The following C4orf50 variants were observed in gnomAD, a reference collection of about 807,000 sequenced individuals.
C4orf50 encodes chromosome 4 open reading frame 50.
Under a neutral mutation model 77.2 loss-of-function variants are expected in C4orf50, and 80 were observed. That is an observed-to-expected ratio of 1.04 (90% CI 0.87 to 1.25). The LOEUF (loss-of-function observed/expected upper bound fraction) is 1.25. Among genes scored for constraint, C4orf50 ranks in the 50% most tolerant of loss-of-function variants. C4orf50 has a pLI of 0.00. For synonymous variants in C4orf50, 532 were observed against 465.3 expected (o/e 1.14, Z -1.84); for missense variants, 1,257 against 1,152.9 (o/e 1.09, Z -1.31).
chr4:5,980,426 C>G (rs1018800533), intron 28 of C4orf50, 88 bp from the exon 7 acceptor site: 38 of 1,230,030 alleles, frequency 3.1e-5, no homozygotes, highest in Non-Finnish European at 3.9e-5. Context: ...TTTCCCCACT[C>G]CGTAGTTTTT....
chr4:5,904,710 A>G (rs1297570644), intron 7 of C4orf50: 1 of 152,194 alleles, frequency 6.6e-6, no homozygotes, highest in East Asian at 1.9e-4. Context: ...ATCTGATGAA[A>G]TCCATGCTCC....
intron 23 of C4orf50, among the ~76,000 whole-genome samples, chr4:6,013,634 A>G (rs1442012766): frequency 2.6e-5 from 4 of 152,094 alleles, no homozygotes; most frequent in African/African-American, 9.7e-5. Flanking sequence ...GGTCTCTAAG[A>G]CCAATCACAA....
chr4:5,936,755 A>C (rs1718042835), intron 7 of C4orf50, among the ~76,000 whole-genome samples: 1 of 152,136 alleles, frequency 6.6e-6, no homozygotes, highest in Non-Finnish European at 1.5e-5. Context: ...TGAAAGATAC[A>C]AATTCTCAGA....
In C4orf50 at chr4:5,908,099, T is replaced by G. The variant is rs956301648; in HGVS notation, c.*2475-9911A>C. Among the ~76,000 whole-genome samples, 25 of 152,238 alleles carry G rather than the reference T, an allele frequency of 1.6e-4. No homozygotes were observed. ...TTCATTCACTCATTTATTTGCTCAT[T>G]TTTAAGTACCTACTATATGCCAGGC... On this transcript the variant is annotated intron_variant, in intron 7 of 7. Transcript: ENST00000324058. The surrounding 1 kb of genome is among the most constrained non-coding windows in gnomAD (Gnocchi z 5.6).
In C4orf50 at chr4:6,007,083, T is replaced by C. The variant is rs774478295; in HGVS notation, c.963+913A>G. 2.0e-5 allele frequency among the ~76,000 whole-genome samples: 3 copies of C among 152,140 alleles called. No individual in the cohort carries two copies. The highest frequency in any genetic ancestry group is 4.8e-5 in the African/African-American group (2 of 41,428). On this transcript the variant is annotated intron_variant, in intron 25 of 33. Transcript: ENST00000531445. This position sits in a 1 kb window ranked among gnomAD's most constrained non-coding sequence, Gnocchi z 4.1. The stretch of plus-strand genomic sequence containing the variant: ...AGGAACTCATTGGATGTTGGACAGA[T>C]GGATGGACAAGAGTGAGTGGACAAT...
intron 7 of C4orf50, among the ~76,000 whole-genome samples, chr4:5,910,092 G>T (rs1010034456): frequency 6.7e-6 from 1 of 149,218 alleles, no homozygotes; most frequent in African/African-American, 2.4e-5. Context: ...GATCGCTTTG[G>T]GTAGTATGAT....
At chr4:5,950,332 G>A (rs1718662626) in intron 7 of C4orf50, among the ~76,000 whole-genome samples, 1 of 152,200 alleles carries the variant, frequency 6.6e-6, no homozygotes, top group African/African-American at 2.4e-5. Context: ...CTGTTTAAAA[G>A]ATGAATTAAA....
exon 34 of C4orf50, chr4:5,959,174 A>T: frequency 3.3e-6 from 2 of 612,464 alleles, no homozygotes; most frequent in South Asian, 4.2e-5. Context: ...GCCAAAGCCA[A>T]ACTCCTCAGA....
At chr4:5,943,690 C>G (rs557158070) in intron 7 of C4orf50, among the ~76,000 whole-genome samples, 1 of 152,328 alleles carries the variant, frequency 6.6e-6, no homozygotes, top group East Asian at 1.9e-4. Context: ...TTTTGAGTGT[C>G]TCGGCTATGA....
At chr4:5,946,951 G>T (rs1718507205) in intron 7 of C4orf50, among the ~76,000 whole-genome samples, 1 of 152,192 alleles carries the variant, frequency 6.6e-6, no homozygotes, top group African/African-American at 2.4e-5. Context: ...CAACGTGGGA[G>T]GTGATAACAC....
chr4:5,915,866 T>G (rs947722259), intron 7 of C4orf50, among the ~76,000 whole-genome samples: 9 of 152,190 alleles, frequency 5.9e-5, no homozygotes, highest in Non-Finnish European at 8.8e-5. Flanking sequence ...GTTACTTCCC[T>G]CTCCTCTTTT....
At chr4:5,930,187 C>T (rs1717705129) in intron 7 of C4orf50, among the ~76,000 whole-genome samples, 2 of 152,252 alleles carry the variant, frequency 1.3e-5, no homozygotes, top group Admixed American at 6.5e-5. Flanking sequence ...TTCCCATTGA[C>T]GTCTCTCTAG....
rs902594439 is a variant in C4orf50 at position 6,008,651 on chromosome 4, T to G, written c.427-119A>C. ...GTGCATGGTGCGTTTTTGCATTTTG[T>G]GCATTGTAATAGTGCATCAAAGTAT... is the stretch of plus-strand genomic sequence containing the variant. On this transcript the variant is annotated intron_variant, in intron 24 of 33. Transcript: ENST00000531445. The surrounding 1 kb of genome is among the most constrained non-coding windows in gnomAD (Gnocchi z 6.0). 36 of 392,500 alleles carry G rather than the reference T, an allele frequency of 9.2e-5. No individual in the cohort carries two copies. In the East Asian group the frequency reaches 1.2e-3, roughly 13 times the overall value. The allele number at this position is 392,500 out of a possible 1,614,324, so 24.3% of individuals were successfully genotyped here. A position where few individuals can be genotyped will look rare whatever the true frequency, so the allele number is the denominator to read the frequency against.
rs1271450591 is a variant in C4orf50, at chr4:6,017,706, T to G, written c.287+439A>C. Among the ~76,000 whole-genome samples the G allele has an allele frequency of 6.6e-6, 1 of 152,146 alleles. No individual in the cohort carries two copies. The highest frequency in any genetic ancestry group is 1.5e-5 in the Non-Finnish European group (1 of 68,030). On this transcript the variant is annotated intron_variant, in intron 23 of 33. Transcript: ENST00000531445. The surrounding 1 kb of genome is among the most constrained non-coding windows in gnomAD (Gnocchi z 4.7). Reference sequence around the variant, plus strand: ...GTCTGGCGGCTGCCTAAAACCATGCTTCTGTCTGCCAGTTCCCCTAAAAAA... The same window carrying G: ...GTCTGGCGGCTGCCTAAAACCATGCGTCTGTCTGCCAGTTCCCCTAAAAAA...
intron 7 of C4orf50, among the ~76,000 whole-genome samples, chr4:5,917,468 C>A (rs1717081524): frequency 8.0e-6 from 1 of 125,530 alleles, no homozygotes; most frequent in South Asian, 2.7e-4. Context: ...GGCTAGAGTG[C>A]AATGGCACGA....
chr4:5,920,497 G>GATGGAGT (rs1318976653), intron 7 of C4orf50, among the ~76,000 whole-genome samples: 5 of 136,170 alleles, frequency 3.7e-5, no homozygotes, highest in Admixed American at 7.5e-5. Context: ...TTTTTTTTGA[G>GATGGAGT]ATGGAGTCTC....
intron 7 of C4orf50, among the ~76,000 whole-genome samples, chr4:5,918,833 CAA>C (rs1450694605): frequency 2.0e-5 from 3 of 152,196 alleles, no homozygotes; most frequent in East Asian, 3.8e-4. Flanking sequence ...GGGGAGCTGC[CAA>C]AAGTGTCCCT....
chr4:5,906,690 C>T (rs953412130), intron 7 of C4orf50, among the ~76,000 whole-genome samples: 1 of 152,222 alleles, frequency 6.6e-6, no homozygotes, highest in Admixed American at 6.5e-5. Flanking sequence ...GGCTCACACA[C>T]AGCTCGTGGC....
At chr4:5,924,962 C>T (rs1445926130) in intron 7 of C4orf50, among the ~76,000 whole-genome samples, 3 of 151,868 alleles carry the variant, frequency 2.0e-5, no homozygotes, top group Non-Finnish European at 4.4e-5. Flanking sequence ...AGGTGTGCAG[C>T]TCAGGAGGAA....
Sources: allele counts gnomAD v4.1 joint callset (sites outside exome capture counted in the v4.1 genomes callset), GRCh38; gene constraint gnomAD v4.1.1; non-coding constraint Gnocchi (gnomAD v3.1); transcripts MANE v1.5; gene names NCBI Gene and HGNC (gene_info 2026-07-23, HGNC 2026-07-21).